TRAPPC13: variants seen among roughly 807,000 people sequenced by gnomAD.
The protein encoded by TRAPPC13 is REV7-interacting novel NHEJ regulator 1.
Under a neutral mutation model 54.0 loss-of-function variants are expected in TRAPPC13, and 39 were observed. The observed-to-expected ratio is 0.72, with a 90% confidence interval of 0.56 to 0.94. The LOEUF (loss-of-function observed/expected upper bound fraction) is 0.94, where lower values mean the gene tolerates loss of function less well. TRAPPC13 is among the 40% of genes least tolerant of loss of function. The pLI, the probability that TRAPPC13 is intolerant of heterozygous loss-of-function variation, is 0.00. For synonymous variants in TRAPPC13, 148 were observed against 167.7 expected (o/e 0.88, Z 0.91); for missense variants, 386 against 488.1 (o/e 0.79, Z 1.97).
intron 8 of TRAPPC13, among the ~76,000 whole-genome samples, chr5:65,657,768 G>A (rs1038228583): frequency 1.5e-4 from 23 of 152,240 alleles, no homozygotes; most frequent in African/African-American, 5.5e-4. Context: ...CGATGGTGAA[G>A]TATAATCCAC....
intron 7 of TRAPPC13, chr5:65,652,763 C>A: frequency 1.7e-6 from 1 of 574,018 alleles, no homozygotes; most frequent in Non-Finnish European, 3.1e-6. Flanking sequence ...TTTTTATTCT[C>A]GTTAATTTTA....
intron 4 of TRAPPC13, among the ~76,000 whole-genome samples, chr5:65,641,325 T>TTA (rs1383739583): frequency 6.6e-6 from 1 of 152,154 alleles, no homozygotes; most frequent in Non-Finnish European, 1.5e-5. Context: ...GAGTGTTGTC[T>TTA]TTTGATCAGG....
intron 6 of TRAPPC13, among the ~76,000 whole-genome samples, chr5:65,651,855 T>G (rs977969752): frequency 1.7e-4 from 17 of 100,742 alleles, no homozygotes; most frequent in African/African-American, 8.5e-4. Flanking sequence ...TTTTTTTTTT[T>G]TTTTTTTTTT....
intron 1 of TRAPPC13, among the ~76,000 whole-genome samples, chr5:65,628,332 C>G (rs566349933): frequency 2.3e-4 from 35 of 152,324 alleles, no homozygotes; most frequent in Middle Eastern, 3.4e-3. Context: ...TGTCACAAAA[C>G]TGGTTCTTAG....
chr5:65,630,492 A>C, intron 1 of TRAPPC13: 1 of 1,351,042 alleles, frequency 7.4e-7, no homozygotes, highest in Non-Finnish European at 9.5e-7. Flanking sequence ...AGTTCTGCTT[A>C]TTGGCAGCCT....
At chr5:65,633,366 G>A (rs560915415) in intron 1 of TRAPPC13, among the ~76,000 whole-genome samples, 195 of 151,864 alleles carry the variant, frequency 1.3e-3, no homozygotes, top group African/African-American at 4.4e-3. Context: ...TGCAAGCTCC[G>A]CCTCCCGGGT....
In TRAPPC13 at chr5:65,625,073, C is replaced by G. The variant is rs1386158068; in HGVS notation, c.13C>G (p.Pro5Ala). ...AGTGCCGGTCAAAATGGAAGTGAAT[C>G]CCCCTAAACAGGAGCACCTGCTGGC... is the stretch of plus-strand genomic sequence containing the variant. The part of the protein sequence containing the change: MEVN[P>A]PKQEHLLALK... Residue 5 changes from proline to alanine, a missense_variant, in exon 1 of 13, where the codon CCC becomes GCC. Pro to Ala is a conservative substitution (Grantham distance 27). Transcript: ENST00000399438. 1 of 1,613,534 alleles carries G rather than the reference C, an allele frequency of 6.2e-7. No homozygotes were observed. The highest frequency in any genetic ancestry group is 8.5e-7 in the Non-Finnish European group (1 of 1,179,682).
rs1197866333 is a variant in TRAPPC13, at chr5:65,639,712, A to T, written c.300+1932A>T. 9.2e-5 allele frequency among the ~76,000 whole-genome samples: 14 copies of T among 152,252 alleles called. 1 individual carries two copies. The highest frequency in any genetic ancestry group is 2.9e-5 in the Non-Finnish European group (2 of 68,048). On this transcript the variant is annotated intron_variant, in intron 4 of 12. Transcript: ENST00000399438. Reference sequence around the variant, plus strand: ...GGCTTTTGAGCACTCTTTGTGTTAGAAAGACTGATATGAGCACATTGTGTG... The same window carrying T: ...GGCTTTTGAGCACTCTTTGTGTTAGTAAGACTGATATGAGCACATTGTGTG...
At chr5:65,625,860 T>C in intron 1 of TRAPPC13, 1 of 152,264 alleles carries the variant, frequency 6.6e-6, no homozygotes, top group South Asian at 2.1e-4. Flanking sequence ...CAATGACTTC[T>C]TGAATGAGCT....
intron 4 of TRAPPC13, among the ~76,000 whole-genome samples, chr5:65,638,882 G>A (rs542990531): frequency 2.6e-4 from 39 of 152,182 alleles, no homozygotes; most frequent in African/African-American, 6.3e-4. Flanking sequence ...TCAGGAGTTC[G>A]AGACCATCCT....
intron 1 of TRAPPC13, chr5:65,629,831 C>T (rs575797684): frequency 2.0e-6 from 3 of 1,536,022 alleles, no homozygotes; most frequent in Middle Eastern, 1.7e-4. Context: ...TGCTAAGTCA[C>T]ACAGTTATGA....
chr5:65,648,681 TAGTC>T (rs779836213), intron 5 of TRAPPC13, among the ~76,000 whole-genome samples: 1 of 152,176 alleles, frequency 6.6e-6, no homozygotes, highest in Non-Finnish European at 1.5e-5. Flanking sequence ...CTGCCTTACT[TAGTC>T]AGTACTAGGC....
At position 65,660,679 on chromosome 5, in the gene TRAPPC13, T is replaced by C; in HGVS notation, c.699-20T>C. 6.5e-7 allele frequency: 1 copy of C among 1,547,534 alleles called. No homozygotes were observed. Among genetic ancestry groups the C allele is most frequent in the East Asian group, 2.3e-5 (1 of 43,256 alleles). ...AAGATGCTAGAGAATTTTCTCCGTC[T>C]CTGTCTCCACCCCTCTCAGTGTGTC... On this transcript the variant is annotated intron_variant, in intron 9 of 12. Transcript: ENST00000399438.
chr5:65,654,932 A>G (rs1269136054), intron 7 of TRAPPC13, among the ~76,000 whole-genome samples: 1 of 152,192 alleles, frequency 6.6e-6, no homozygotes, highest in African/African-American at 2.4e-5. Context: ...ATGCAACTAT[A>G]ATGTAAGCCC....
Position 65,664,939 on chromosome 5 carries a change from A to G in TRAPPC13, c.*328A>G, listed in dbSNP as rs997971025. ...TAGAACACGAGTCAGCACACTTTTT[A>G]TGTAAGGTACAAGATACTAAATATT... On this transcript the variant is annotated 3_prime_UTR_variant, in exon 13 of 13. Transcript: ENST00000399438. 11 of 317,420 alleles carry G rather than the reference A, an allele frequency of 3.5e-5. No homozygotes were observed. The highest frequency in any genetic ancestry group is 2.0e-3 in the Middle Eastern group (2 of 992). 19.7% of individuals were successfully genotyped at this position (317,420 alleles called of 1,614,324 possible).
chr5:65,635,047 A>C, intron 1 of TRAPPC13: 2 of 660,570 alleles, frequency 3.0e-6, no homozygotes, highest in Non-Finnish European at 1.9e-6. Flanking sequence ...TTCTATAATG[A>C]ATGCATATTG....
intron 1 of TRAPPC13, 94 bp downstream of exon 1, chr5:65,625,200 A>C (rs1755152562): frequency 1.0e-5 from 11 of 1,060,138 alleles, no homozygotes; most frequent in Non-Finnish European, 1.6e-5. Flanking sequence ...CTTCTTAAAC[A>C]CTCAGTGCTC....
chr5:65,625,082 C>G lies in TRAPPC13; in HGVS notation c.22C>G (p.Gln8Glu). ...CAAAATGGAAGTGAATCCCCCTAAA[C>G]AGGAGCACCTGCTGGCGCTAAAAGG... Reference protein sequence around the residue: MEVNPPKQEHLLALKVMR... With the variant: MEVNPPKEEHLLALKVMR... The change falls in exon 1 of 13, where the codon CAG becomes GAG. Residue 8 changes from glutamine (Q) to glutamate (E), a missense_variant. Gln to Glu is a conservative substitution (Grantham distance 29). Transcript: ENST00000399438. 1.2e-6 allele frequency: 2 copies of G among 1,613,818 alleles called. No homozygotes were observed. Among genetic ancestry groups the G allele is most frequent in the East Asian group, 2.2e-5 (1 of 44,880 alleles).
chr5:65,642,735 A>C (rs1217548169), intron 4 of TRAPPC13, among the ~76,000 whole-genome samples: 1 of 152,142 alleles, frequency 6.6e-6, no homozygotes. Context: ...ATCATAGCTC[A>C]CTGTAGCCTC....
Sources: allele counts gnomAD v4.1 joint callset (sites outside exome capture counted in the v4.1 genomes callset), GRCh38; gene constraint gnomAD v4.1.1; transcripts MANE v1.5; gene names NCBI Gene and HGNC (gene_info 2026-07-23, HGNC 2026-07-21).